CAMKMT: variants seen among roughly 807,000 people sequenced by gnomAD.
CAMKMT encodes the protein CaM KMT.
CAMKMT carries 53 observed loss-of-function variants against 48.0 expected under a neutral mutation model. That is an observed-to-expected ratio of 1.10 (90% CI 0.89 to 1.39). The LOEUF (loss-of-function observed/expected upper bound fraction) is 1.39. Among genes scored for constraint, CAMKMT ranks in the 40% most tolerant of loss-of-function variants. The pLI is 0.00. For missense variants in CAMKMT, 428 were observed against 402.7 expected (o/e 1.06, Z -0.54); for synonymous variants, 165 against 152.3 (o/e 1.08, Z -0.61).
chr2:44,701,103 C>T (rs1402788055), intron 3 of CAMKMT, among the ~76,000 whole-genome samples: 2 of 152,152 alleles, frequency 1.3e-5, no homozygotes, highest in Admixed American at 6.6e-5. Flanking sequence ...TATGAGCATT[C>T]GTGTACAAGT....
rs4039614 is a variant in CAMKMT, at chr2:44,546,154, G to GACACACACACACACAC, written c.376+155883_376+155898dup. Among the ~76,000 whole-genome samples, 220 of 129,152 alleles carry GACACACACACACACAC rather than the reference G, an allele frequency of 1.7e-3. 3 individuals carry two copies. The highest frequency in any genetic ancestry group is 4.8e-3 in the African/African-American group (154 of 31,844). The allele number at this position is 129,152 out of a possible 152,430, so 84.7% of individuals were successfully genotyped here. ...GGATCTGGCTATCTTAGACTGCTAGGACACACACACACACACACACACACA... is the reference window on the plus strand; with the variant it reads ...GGATCTGGCTATCTTAGACTGCTAGGACACACACACACACACACACACACACACACACACACACACA... On this transcript the variant is annotated intron_variant, in intron 3 of 10. Transcript: ENST00000378494.
At chr2:44,542,529 ACACACACACT>A (rs1421820620) in intron 3 of CAMKMT, among the ~76,000 whole-genome samples, 54 of 62,682 alleles carry the variant, frequency 8.6e-4, no homozygotes, top group African/African-American at 1.7e-3. Flanking sequence ...ACACACACAC[ACACACACACT>A]CTCTCTCTCT....
chr2:44,703,242 C>A (rs1460186991), intron 3 of CAMKMT, among the ~76,000 whole-genome samples: 1 of 152,106 alleles, frequency 6.6e-6, no homozygotes, highest in Non-Finnish European at 1.5e-5. Context: ...TATAATCCTA[C>A]CATCCTGTGA....
intron 3 of CAMKMT, among the ~76,000 whole-genome samples, chr2:44,399,716 G>T (rs558744830): frequency 6.6e-6 from 1 of 151,580 alleles, no homozygotes; most frequent in Non-Finnish European, 1.5e-5. Context: ...TTCTGATTTC[G>T]TCATGATAGA....
intron 3 of CAMKMT, among the ~76,000 whole-genome samples, chr2:44,559,927 A>G (rs1010189567): frequency 2.0e-5 from 3 of 152,192 alleles, no homozygotes; most frequent in African/African-American, 4.8e-5. Flanking sequence ...TTTGAATAAT[A>G]TTGGTTTTTA....
chr2:44,599,548 A>C (rs906456693), intron 3 of CAMKMT, among the ~76,000 whole-genome samples: 5 of 152,132 alleles, frequency 3.3e-5, no homozygotes, highest in African/African-American at 1.2e-4. Context: ...TTCTGTGAGA[A>C]TGAAAAGTAA....
intron 3 of CAMKMT, among the ~76,000 whole-genome samples, chr2:44,638,229 CTT>C (rs921182632): frequency 1.5e-4 from 23 of 152,204 alleles, no homozygotes; most frequent in African/African-American, 5.5e-4. Context: ...AACTATTTCT[CTT>C]GTTTCTTTCA....
chr2:44,497,893 CTG>C (rs1328238880), intron 3 of CAMKMT, among the ~76,000 whole-genome samples: 3 of 152,050 alleles, frequency 2.0e-5, no homozygotes, highest in African/African-American at 7.2e-5. Context: ...GAAGAGAAAT[CTG>C]GAGCAGGGAA....
At chr2:44,762,700 CAGA>C (rs1251499955) in intron 9 of CAMKMT, among the ~76,000 whole-genome samples, 2 of 151,972 alleles carry the variant, frequency 1.3e-5, no homozygotes, top group Non-Finnish European at 2.9e-5. Context: ...CAATTTTTTC[CAGA>C]AGTACACTCC....
intron 7 of CAMKMT, among the ~76,000 whole-genome samples, chr2:44,732,569 C>T (rs937128960): frequency 4.6e-5 from 7 of 152,136 alleles, no homozygotes; most frequent in African/African-American, 1.7e-4. Context: ...AAAGCATTTT[C>T]TGTTCAGTTT....
chr2:44,771,857 T>C (rs565773688), intron 10 of CAMKMT, among the ~76,000 whole-genome samples, 179 bp from the exon 11 acceptor site: 84 of 152,078 alleles, frequency 5.5e-4, no homozygotes, highest in African/African-American at 1.9e-3. Flanking sequence ...CCCATGTTAA[T>C]GTATAGAATT....
chr2:44,614,619 AG>A (rs768952589), intron 3 of CAMKMT, among the ~76,000 whole-genome samples: 1 of 152,208 alleles, frequency 6.6e-6, no homozygotes, highest in Non-Finnish European at 1.5e-5. Context: ...AAGGCAAGGA[AG>A]GGGATGAAAT....
intron 3 of CAMKMT, among the ~76,000 whole-genome samples, chr2:44,481,761 T>C (rs1278910382): frequency 6.6e-6 from 1 of 152,078 alleles, no homozygotes; most frequent in African/African-American, 2.4e-5. Context: ...ATGAATCAGA[T>C]ACTATCAAAG....
intron 3 of CAMKMT, among the ~76,000 whole-genome samples, chr2:44,470,994 C>CTTTTTTTTT (rs11362559): frequency 1.3e-5 from 1 of 74,934 alleles, no homozygotes. Context: ...CTCTCTCTCT[C>CTTTTTTTTT]TTTTTTTTTT....
At chr2:44,706,984 C>CA (rs1428823224) in intron 5 of CAMKMT, among the ~76,000 whole-genome samples, 4 of 151,792 alleles carry the variant, frequency 2.6e-5, no homozygotes, top group Non-Finnish European at 4.4e-5. Context: ...TCAAAGCTCA[C>CA]AAAAAAATTA....
intron 7 of CAMKMT, among the ~76,000 whole-genome samples, chr2:44,733,671 C>G (rs1679202725): frequency 6.6e-6 from 1 of 152,074 alleles, no homozygotes; most frequent in Non-Finnish European, 1.5e-5. Flanking sequence ...TTGTCAGAAG[C>G]ATTTTCTGCC....
intron 3 of CAMKMT, chr2:44,631,450 T>C: frequency 1.7e-6 from 1 of 589,712 alleles, no homozygotes. Flanking sequence ...TCAAAGAGTT[T>C]AAATAAGAAA....
At chr2:44,367,591 A>C (rs913716993) in intron 1 of CAMKMT, among the ~76,000 whole-genome samples, 1 of 152,166 alleles carries the variant, frequency 6.6e-6, no homozygotes, top group African/African-American at 2.4e-5. Flanking sequence ...CAAAATCCAA[A>C]ACACTTCTGG....
intron 3 of CAMKMT, among the ~76,000 whole-genome samples, chr2:44,559,247 A>T (rs928339685): frequency 6.6e-6 from 1 of 152,166 alleles, no homozygotes; most frequent in Non-Finnish European, 1.5e-5. Flanking sequence ...ATAGTCCTCT[A>T]TTGCAGCTTC....
Sources: allele counts gnomAD v4.1 joint callset (sites outside exome capture counted in the v4.1 genomes callset), GRCh38; gene constraint gnomAD v4.1.1; transcripts MANE v1.5; gene names NCBI Gene and HGNC (gene_info 2026-07-23, HGNC 2026-07-21).